The following BEND7 variants were observed in gnomAD, a reference collection of about 807,000 sequenced individuals.
The protein encoded by BEND7 is BEN domain-containing protein 7.
BEND7 carries 28 observed loss-of-function variants against 50.9 expected under a neutral mutation model. That is an observed-to-expected ratio of 0.55 (90% confidence interval 0.41 to 0.75). The LOEUF is 0.75. Among genes scored for constraint, BEND7 ranks in the 30% least tolerant of loss-of-function variants. BEND7 has a pLI of 0.00. For synonymous variants in BEND7, 170 were observed against 183.9 expected (o/e 0.92, Z 0.61); for missense variants, 477 against 491.3 (o/e 0.97, Z 0.28).
downstream of BEND7, chr10:13,438,923 G>T (rs567311220): frequency 4.9e-5 from 23 of 464,748 alleles, no homozygotes; most frequent in South Asian, 4.7e-4. Flanking sequence ...GATGGGAGAA[G>T]GGGAGTCACT....
downstream of BEND7, chr10:13,439,597 G>A (rs1216317017): frequency 1.7e-6 from 2 of 1,168,562 alleles, no homozygotes; most frequent in Admixed American, 2.8e-5. Flanking sequence ...GTGAGTGCAA[G>A]TGACACCCCT....
At position 13,493,765 on chromosome 10, in the gene BEND7, T is replaced by C. The variant is rs141696453; in HGVS notation, c.572-889A>G. Reference sequence around the variant, plus strand: ...CATTTAAAAATACTCTCTTGGAAAGTGTAATTGGAAAACATGGCATCATTG... The same window carrying C: ...CATTTAAAAATACTCTCTTGGAAAGCGTAATTGGAAAACATGGCATCATTG... On this transcript the variant is annotated intron_variant, in intron 4 of 8. Transcript: ENST00000466271. 3.3e-5 allele frequency among the ~76,000 whole-genome samples: 5 copies of C among 152,322 alleles called. 1 individual carries two copies. The highest frequency in any genetic ancestry group is 3.4e-3 in the Middle Eastern group (1 of 294).
chr10:13,520,015 G>C (rs2078974429), intron 2 of BEND7, among the ~76,000 whole-genome samples: 1 of 152,194 alleles, frequency 6.6e-6, no homozygotes, highest in African/African-American at 2.4e-5. Flanking sequence ...TTTAGAAACA[G>C]ACAGCGAACT....
intron 6 of BEND7, among the ~76,000 whole-genome samples, chr10:13,463,180 T>C (rs1440857790): frequency 9.8e-6 from 1 of 101,980 alleles, no homozygotes; most frequent in Non-Finnish European, 1.9e-5. Flanking sequence ...GTGATGACCA[T>C]GAACAGCAGA....
intron 8 of BEND7, chr10:13,446,884 G>A: frequency 3.6e-6 from 1 of 278,512 alleles, no homozygotes; most frequent in South Asian, 3.9e-5. Flanking sequence ...TTTGGAGGAG[G>A]TGGGAGAGGA....
intron 6 of BEND7, among the ~76,000 whole-genome samples, chr10:13,453,284 CACAGTG>C (rs1477172146): frequency 2.0e-5 from 3 of 152,164 alleles, no homozygotes; most frequent in Non-Finnish European, 4.4e-5. Flanking sequence ...GAGGGCTATG[CACAGTG>C]TGTGGCCGCA....
intron 2 of BEND7, among the ~76,000 whole-genome samples, chr10:13,512,088 A>G (rs2078313946): frequency 6.6e-6 from 1 of 152,236 alleles, no homozygotes; most frequent in South Asian, 2.1e-4. Flanking sequence ...ATTCTGACTT[A>G]GTTGCACTGC....
At chr10:13,502,295 A>G (rs914717695) in intron 2 of BEND7, among the ~76,000 whole-genome samples, 2 of 152,226 alleles carry the variant, frequency 1.3e-5, no homozygotes, top group Admixed American at 6.5e-5. Context: ...ATTACAGAAT[A>G]TATTAATTCT....
chr10:13,486,200 T>A (rs1398971448), intron 5 of BEND7, among the ~76,000 whole-genome samples: 2 of 152,198 alleles, frequency 1.3e-5, no homozygotes, highest in Non-Finnish European at 2.9e-5. Context: ...TGTATGTATT[T>A]ATATATTTTG....
downstream of BEND7, chr10:13,439,611 G>T: frequency 9.7e-7 from 1 of 1,029,218 alleles, no homozygotes; most frequent in Non-Finnish European, 1.4e-6. Flanking sequence ...CACCCCTCCT[G>T]GTTCGTCAGC....
intron 2 of BEND7, among the ~76,000 whole-genome samples, chr10:13,525,888 A>G (rs1337078631): frequency 6.6e-6 from 1 of 152,250 alleles, no homozygotes; most frequent in African/African-American, 2.4e-5. Flanking sequence ...CACAGTCAGC[A>G]TCTGGCTCTG....
rs969943701 is a variant in BEND7 at position 13,528,946 on chromosome 10, C to G, written c.-413G>C. The G allele has an allele frequency of 1.3e-3, 183 of 141,722 alleles. 1 individual carries two copies. The highest frequency in any genetic ancestry group is 4.6e-3 in the African/African-American group (178 of 39,000). The allele number at this position is 141,722 out of a possible 1,614,324, so 8.8% of individuals were successfully genotyped here. ...GGGCGGCCGGCCCGCCTGGGCTCAG[C>G]CTGCGGTCGCGGCGGCGGCGGCGGC... is the stretch of plus-strand genomic sequence containing the variant. On this transcript the variant is annotated 5_prime_UTR_variant, in exon 1 of 9. Transcript: ENST00000466271.
intron 6 of BEND7, among the ~76,000 whole-genome samples, chr10:13,461,867 G>C (rs916040580): frequency 1.3e-5 from 2 of 152,176 alleles, no homozygotes; most frequent in African/African-American, 2.4e-5. Flanking sequence ...GGGAAATGCA[G>C]AATGAGTTTG....
chr10:13,521,912 G>C (rs1333527054), intron 2 of BEND7, among the ~76,000 whole-genome samples: 3 of 152,234 alleles, frequency 2.0e-5, no homozygotes, highest in Non-Finnish European at 4.4e-5. Context: ...TTGTTCGAGT[G>C]TGTCCTCTTT....
In BEND7 at chr10:13,506,743, A is replaced by G. The variant is rs537701348; in HGVS notation, c.146-6663T>C. On this transcript the variant is annotated intron_variant, in intron 2 of 8. Transcript: ENST00000466271. ...GCAACGTCAGTCTACCAGGATTTTCAGGATGGAAATGGAGCGAGATGGAGA... is the reference window on the plus strand; with the variant it reads ...GCAACGTCAGTCTACCAGGATTTTCGGGATGGAAATGGAGCGAGATGGAGA... Among the ~76,000 whole-genome samples the G allele has an allele frequency of 3.3e-5, 5 of 151,188 alleles. No homozygotes were observed. In the East Asian group the frequency reaches 6.0e-4, roughly 18 times the overall value.
chr10:13,468,740 G>A (rs533663506), intron 6 of BEND7, among the ~76,000 whole-genome samples: 1 of 152,338 alleles, frequency 6.6e-6, no homozygotes, highest in African/African-American at 2.4e-5. Context: ...GACAAAAGGA[G>A]TTGATAGGGC....
chr10:13,467,860 C>T (rs970091594), intron 6 of BEND7, among the ~76,000 whole-genome samples: 2 of 152,176 alleles, frequency 1.3e-5, no homozygotes, highest in African/African-American at 4.8e-5. Flanking sequence ...TTTCTTCCTT[C>T]CCTCTTTCCT....
At chr10:13,451,364 A>AT (rs1268876473) in intron 7 of BEND7, among the ~76,000 whole-genome samples, 1 of 148,260 alleles carries the variant, frequency 6.7e-6, no homozygotes, top group Non-Finnish European at 1.5e-5. Context: ...AATTTTTAAG[A>AT]TTTTTTTCTT....
intron 6 of BEND7, among the ~76,000 whole-genome samples, chr10:13,464,840 C>T (rs542063495): frequency 6.6e-6 from 1 of 152,326 alleles, no homozygotes; most frequent in East Asian, 1.9e-4. Flanking sequence ...ATACTCCTTA[C>T]ACACACACTC....
Sources: gnomAD v4.1 joint callset for allele counts (sites outside exome capture counted in the v4.1 genomes callset) on GRCh38, gnomAD v4.1.1 for gene constraint, MANE v1.5 for transcripts, NCBI Gene and HGNC (gene_info 2026-07-23, HGNC 2026-07-21) for gene names.